The following TAOK3 variants were observed in gnomAD, a reference collection of about 807,000 sequenced individuals.
TAOK3 encodes serine/threonine-protein kinase TAO3.
TAOK3 carries 40 observed loss-of-function variants against 120.4 expected under a neutral mutation model. The ratio of observed to expected loss-of-function variants is 0.33; its 90% CI spans 0.26 to 0.43. The LOEUF (loss-of-function observed/expected upper bound fraction) is 0.43, where lower values mean the gene tolerates loss of function less well. TAOK3 is among the 20% of genes least tolerant of loss of function. The probability of loss-of-function intolerance (pLI) is 1.00; values close to 1 mark genes in which losing one functional copy is unlikely to be tolerated. For synonymous variants in TAOK3, 355 were observed against 387.5 expected, an observed-to-expected ratio of 0.92 and a Z score of 0.99; for missense variants, 821 against 1,112.1, an observed-to-expected ratio of 0.74 and a Z score of 3.72.
intron 11 of TAOK3, among the ~76,000 whole-genome samples, chr12:118,207,540 G>A (rs2038389660): frequency 6.6e-6 from 1 of 151,898 alleles, no homozygotes; most frequent in African/African-American, 2.4e-5. Flanking sequence ...AATTTAACAG[G>A]ATTAGAAGAG....
At chr12:118,315,133 G>A (rs954540012) in intron 1 of TAOK3, among the ~76,000 whole-genome samples, 2 of 152,096 alleles carry the variant, frequency 1.3e-5, no homozygotes, top group Non-Finnish European at 2.9e-5. Context: ...GTTTCACCAT[G>A]TTGGTCATGG....
chr12:118,173,346 C>T (rs1405116882), intron 16 of TAOK3, among the ~76,000 whole-genome samples: 1 of 152,126 alleles, frequency 6.6e-6, no homozygotes, highest in Non-Finnish European at 1.5e-5. Context: ...TATAAGGACA[C>T]TGATCTTTAG....
rs1208167508 is a variant in TAOK3, at chr12:118,341,118, G to A, written c.-194+31530C>T. On this transcript the variant is annotated intron_variant, in intron 1 of 20. Transcript: ENST00000392533. ...TTCAAGGTATTCTTGTTCGTCCTCA[G>A]CCTCCTGAGTAGCTGGGAGTACAGG... 2.0e-5 allele frequency among the ~76,000 whole-genome samples: 3 copies of A among 151,750 alleles called. No individual in the cohort carries two copies. In the East Asian group the frequency reaches 5.9e-4, roughly 30 times the overall value.
In TAOK3 at chr12:118,371,785, A is replaced by C. The variant is rs1035487677; in HGVS notation, c.-194+863T>G. Among the ~76,000 whole-genome samples, 1 of 151,186 alleles carries C rather than the reference A, an allele frequency of 6.6e-6. No homozygotes were observed. The highest frequency in any genetic ancestry group is 1.5e-5 in the Non-Finnish European group (1 of 67,740). ...GTGACTGGGGGCCCGACCCGCACCCATGGGGCACCGCTCCTCCCTCGGGGT... is the reference window on the plus strand; with the variant it reads ...GTGACTGGGGGCCCGACCCGCACCCCTGGGGCACCGCTCCTCCCTCGGGGT... On this transcript the variant is annotated intron_variant, in intron 1 of 20. Coordinates refer to ENST00000392533, the MANE Select transcript of TAOK3 (RefSeq NM_016281.4). The surrounding 1 kb of genome is among the most constrained non-coding windows in gnomAD (Gnocchi z 5.5).
intron 17 of TAOK3, among the ~76,000 whole-genome samples, chr12:118,166,841 C>CACAT (rs752498187): frequency 0.14 from 18,175 of 130,768 alleles, 1,237 homozygotes; most frequent in South Asian, 0.17. Flanking sequence ...CACACACACA[C>CACAT]ACACATACAC....
intron 1 of TAOK3, among the ~76,000 whole-genome samples, chr12:118,345,982 T>C (rs903453961): frequency 2.6e-5 from 4 of 152,158 alleles, no homozygotes; most frequent in Non-Finnish European, 5.9e-5. Context: ...TAAAGCAGCA[T>C]AGAAAACAAT....
chr12:118,210,858 C>A (rs1053063334), intron 11 of TAOK3, among the ~76,000 whole-genome samples: 1 of 151,416 alleles, frequency 6.6e-6, no homozygotes, highest in African/African-American at 2.4e-5. Flanking sequence ...CCTGCCTTAG[C>A]CTCCTGAGTA....
At chr12:118,268,190 T>C (rs1454458851) in intron 1 of TAOK3, among the ~76,000 whole-genome samples, 1 of 152,218 alleles carries the variant, frequency 6.6e-6, no homozygotes, top group African/African-American at 2.4e-5. Context: ...AAGGCTGTAT[T>C]CAACCTTTTG....
chr12:118,151,289 GCACACA>G (rs773751889), intron 20 of TAOK3, 131 bp from the exon 21 acceptor site: 456 of 252,570 alleles, frequency 1.8e-3, no homozygotes, highest in East Asian at 7.4e-3. Context: ...GCGCGCGCGC[GCACACA>G]CACACACACA....
chr12:118,321,986 G>A (rs1441099486), intron 1 of TAOK3, among the ~76,000 whole-genome samples: 4 of 152,104 alleles, frequency 2.6e-5, no homozygotes, highest in African/African-American at 7.2e-5. Context: ...TAAGAACTGG[G>A]ATGGAAGAAA....
rs377072006 is a variant in TAOK3 at position 118,244,527 on chromosome 12, C to CTTTTTTTT, written c.192+366_192+367insAAAAAAAA. Among the ~76,000 whole-genome samples the CTTTTTTTT allele has an allele frequency of 4.0e-3, 521 of 129,462 alleles. 7 individuals carry two copies. Among genetic ancestry groups the CTTTTTTTT allele is most frequent in the Non-Finnish European group, 5.6e-3 (347 of 61,898 alleles). 84.9% of individuals were successfully genotyped at this position (129,462 alleles called of 152,430 possible). The stretch of plus-strand genomic sequence containing the variant: ...AAAGAATTTTGTTAATTTCTTTTTT[C>CTTTTTTTT]TTTTTCTTTTTTTTTTTTTGAGACA... On this transcript the variant is annotated intron_variant, in intron 4 of 20. Transcript: ENST00000392533.
chr12:118,288,915 CAAA>C (rs34740967), intron 1 of TAOK3, among the ~76,000 whole-genome samples: 2,336 of 94,170 alleles, frequency 0.025, 68 homozygotes, highest in African/African-American at 0.088. Flanking sequence ...GACTCTATCT[CAAA>C]AAAAAAAAAA....
chr12:118,267,657 C>T (rs1264580364), intron 1 of TAOK3, among the ~76,000 whole-genome samples: 1 of 151,318 alleles, frequency 6.6e-6, no homozygotes, highest in East Asian at 2.0e-4. Flanking sequence ...GAGGCCAAGG[C>T]AGGCGGATCA....
chr12:118,357,548 A>C (rs2045448366), intron 1 of TAOK3, among the ~76,000 whole-genome samples: 1 of 152,242 alleles, frequency 6.6e-6, no homozygotes, highest in African/African-American at 2.4e-5. Context: ...TAAAACAAGC[A>C]AACAGTTATA....
intron 1 of TAOK3, among the ~76,000 whole-genome samples, chr12:118,304,105 G>A (rs1215881156): frequency 6.6e-6 from 1 of 152,200 alleles, no homozygotes; most frequent in African/African-American, 2.4e-5. Context: ...TGGTTATGAG[G>A]TGAATGAATA....
rs2045361259 is a variant in TAOK3, at chr12:118,355,660, C to T, written c.-194+16988G>A. On this transcript the variant is annotated intron_variant, in intron 1 of 20. Coordinates refer to ENST00000392533, the MANE Select transcript of TAOK3 (RefSeq NM_016281.4). ...CTGATTTTATTATCTATACATAATG[C>T]CATGTGTTGTTGTATCTCTTTCCAT... Among the ~76,000 whole-genome samples the T allele has an allele frequency of 2.0e-5, 3 of 152,146 alleles. No homozygotes were observed. The South Asian group carries it at 6.2e-4, about 32-fold the overall frequency.
chr12:118,262,011 C>G (rs2140225519), intron 2 of TAOK3, among the ~76,000 whole-genome samples: 1 of 152,206 alleles, frequency 6.6e-6, no homozygotes, highest in South Asian at 2.1e-4. Flanking sequence ...CAGGCATGCA[C>G]CACTATGTCT....
chr12:118,285,289 C>T (rs1392481499), intron 1 of TAOK3, among the ~76,000 whole-genome samples: 5 of 151,430 alleles, frequency 3.3e-5, no homozygotes, highest in South Asian at 2.1e-4. Flanking sequence ...GTGGTCTGCC[C>T]GCATCAGCCT....
intron 1 of TAOK3, among the ~76,000 whole-genome samples, chr12:118,351,186 T>G (rs1278192224): frequency 1.3e-5 from 2 of 151,650 alleles, no homozygotes; most frequent in Non-Finnish European, 2.9e-5. Context: ...CTCAAGAAAA[T>G]AAATTAAAAA....
Sources: allele counts gnomAD v4.1 joint callset (sites outside exome capture counted in the v4.1 genomes callset), GRCh38; gene constraint gnomAD v4.1.1; non-coding constraint Gnocchi (gnomAD v3.1); transcripts MANE v1.5; gene names NCBI Gene and HGNC (gene_info 2026-07-23, HGNC 2026-07-21).